Variants in WWOX observed in about 807,000 individuals in gnomAD.
WWOX encodes WW domain-containing oxidoreductase.
Under a neutral mutation model 46.2 loss-of-function variants are expected in WWOX, and 69 were observed. The ratio of observed to expected loss-of-function variants is 1.49; its 90% CI spans 1.23 to 1.82. The LOEUF (loss-of-function observed/expected upper bound fraction) is 1.82. WWOX is among the 40% of genes most tolerant of loss of function. The pLI, the probability that WWOX is intolerant of heterozygous loss-of-function variation, is 0.00. For missense variants in WWOX, 919 were observed against 542.6 expected (o/e 1.69, Z -6.89); for synonymous variants, 359 against 202.6 (o/e 1.77, Z -6.56).
At position 78,356,071 on chromosome 16, in the gene WWOX, T is replaced by TAAAAAAAAAA. The variant is rs61113878; in HGVS notation, c.517-30776_517-30767dup. 5.3e-3 allele frequency among the ~76,000 whole-genome samples: 405 copies of TAAAAAAAAAA among 76,080 alleles called. 44 individuals carry two copies. The highest frequency in any genetic ancestry group is 0.029 in the Middle Eastern group (2 of 70). 49.9% of individuals were successfully genotyped at this position (76,080 alleles called of 152,430 possible). On this transcript the variant is annotated intron_variant, in intron 5 of 8. Coordinates refer to ENST00000566780, the MANE Select transcript of WWOX (RefSeq NM_016373.4). ...TATGACCACCAAGATTTTTTTTTCC[T>TAAAAAAAAAA]AAAAAAAAAAAAAAAAAAAAAAGAA... is the stretch of plus-strand genomic sequence containing the variant.
chr16:79,034,504 CTT>C (rs925131469), intron 8 of WWOX, among the ~76,000 whole-genome samples: 1 of 152,210 alleles, frequency 6.6e-6, no homozygotes, highest in Non-Finnish European at 1.5e-5. Context: ...ATGCTACTGT[CTT>C]TAGTATTTTG....
intron 8 of WWOX, among the ~76,000 whole-genome samples, chr16:78,604,399 T>C (rs2045694961): frequency 6.6e-6 from 1 of 152,102 alleles, no homozygotes; most frequent in South Asian, 2.1e-4. Flanking sequence ...CAAATATTCA[T>C]GGAGCCCTTG....
At chr16:78,709,529 C>G (rs1006507852) in intron 8 of WWOX, among the ~76,000 whole-genome samples, 1 of 152,148 alleles carries the variant, frequency 6.6e-6, no homozygotes, top group Non-Finnish European at 1.5e-5. Flanking sequence ...CGGTGTGCCT[C>G]TTCTCTTCAT....
At chr16:78,829,130 G>GGATGGA (rs1555545783) in intron 8 of WWOX, among the ~76,000 whole-genome samples, 5 of 137,376 alleles carry the variant, frequency 3.6e-5, no homozygotes, top group South Asian at 4.6e-4. Flanking sequence ...ATGGATGGAT[G>GGATGGA]GAGAGAGAGA....
chr16:78,541,410 C>A (rs1046708440), intron 8 of WWOX, among the ~76,000 whole-genome samples: 2 of 121,600 alleles, frequency 1.6e-5, no homozygotes, highest in South Asian at 5.9e-4. Context: ...GGAGGCGGAG[C>A]TTGCAGTGAG....
chr16:79,093,446 TAG>T (rs557294590), intron 8 of WWOX, among the ~76,000 whole-genome samples: 38 of 152,350 alleles, frequency 2.5e-4, no homozygotes, highest in Non-Finnish European at 4.9e-4. Context: ...TTGATTTAGA[TAG>T]AGCTTTTATT....
At chr16:78,932,892 C>T (rs1217088626) in intron 8 of WWOX, among the ~76,000 whole-genome samples, 1 of 152,158 alleles carries the variant, frequency 6.6e-6, no homozygotes, top group Non-Finnish European at 1.5e-5. Context: ...GATTTAAGTT[C>T]CATAAAGTCA....
rs1055304146 is a variant in WWOX, at chr16:78,446,570, T to C, written c.1056+13818T>C. Among the ~76,000 whole-genome samples, 4 of 152,090 alleles carry C rather than the reference T, an allele frequency of 2.6e-5. No homozygotes were observed. In the East Asian group the frequency reaches 7.7e-4, roughly 29 times the overall value. On this transcript the variant is annotated intron_variant, in intron 8 of 8. Coordinates refer to ENST00000566780, the MANE Select transcript of WWOX (RefSeq NM_016373.4). ...ATTATTGATATTATAATTAATATTA[T>C]AATTGTTCATTATTACCTTATAAAA...
intron 7 of WWOX, among the ~76,000 whole-genome samples, chr16:78,427,048 C>A (rs1212520389): frequency 6.6e-6 from 1 of 152,178 alleles, no homozygotes; most frequent in African/African-American, 2.4e-5. Flanking sequence ...CATCCCTTGG[C>A]TCCCATGAGT....
At chr16:78,787,097 A>C (rs368346824) in intron 8 of WWOX, among the ~76,000 whole-genome samples, 29 of 152,178 alleles carry the variant, frequency 1.9e-4, no homozygotes, top group African/African-American at 6.0e-4. Context: ...GCAGTGAGCC[A>C]AGATTGCACC....
chr16:79,072,923 A>G (rs902294889), intron 8 of WWOX, among the ~76,000 whole-genome samples: 3 of 152,170 alleles, frequency 2.0e-5, no homozygotes, highest in Non-Finnish European at 4.4e-5. Flanking sequence ...CTTTCAGCTA[A>G]GTGGAAGTGT....
intron 6 of WWOX, among the ~76,000 whole-genome samples, chr16:78,417,174 G>C (rs963795976): frequency 1.3e-5 from 2 of 152,126 alleles, no homozygotes; most frequent in African/African-American, 2.4e-5. Context: ...CCAGGTTCAA[G>C]AGATCCTCCC....
intron 8 of WWOX, among the ~76,000 whole-genome samples, chr16:78,951,588 A>G (rs1049125410): frequency 6.6e-6 from 1 of 152,234 alleles, no homozygotes; most frequent in African/African-American, 2.4e-5. Context: ...GCTTCATCAC[A>G]GCAGCTATAC....
intron 8 of WWOX, among the ~76,000 whole-genome samples, chr16:78,846,726 G>T (rs929478025): frequency 1.3e-5 from 2 of 152,076 alleles, no homozygotes; most frequent in East Asian, 1.9e-4. Flanking sequence ...TATATTGGGG[G>T]AGGTACTTTG....
intron 8 of WWOX, among the ~76,000 whole-genome samples, chr16:78,541,125 G>A (rs1195833268): frequency 6.6e-6 from 1 of 152,040 alleles, no homozygotes; most frequent in Non-Finnish European, 1.5e-5. Flanking sequence ...TATTTTAAAC[G>A]TGAAAAGCAA....
chr16:79,026,102 C>T (rs2047635558), intron 8 of WWOX, among the ~76,000 whole-genome samples: 1 of 151,550 alleles, frequency 6.6e-6, no homozygotes, highest in South Asian at 2.1e-4. Flanking sequence ...TGCCCAGCCC[C>T]TGTTGCCCTT....
At chr16:78,300,374 T>C (rs1189877365) in intron 5 of WWOX, among the ~76,000 whole-genome samples, 3 of 152,140 alleles carry the variant, frequency 2.0e-5, no homozygotes, top group African/African-American at 2.4e-5. Flanking sequence ...TTCCGAAAGC[T>C]AGCGTGAAGT....
intron 8 of WWOX, among the ~76,000 whole-genome samples, chr16:79,183,548 A>G (rs1403189246): frequency 1.3e-5 from 2 of 152,172 alleles, no homozygotes; most frequent in Non-Finnish European, 2.9e-5. Flanking sequence ...CATTGTGCTA[A>G]TTTACTGTAT....
chr16:78,148,640 G>A (rs1032399754), intron 4 of WWOX, among the ~76,000 whole-genome samples: 40 of 152,078 alleles, frequency 2.6e-4, no homozygotes, highest in Admixed American at 1.2e-3. Flanking sequence ...GCTCACGCCT[G>A]TAATCCCAGC....
Sources: allele counts gnomAD v4.1 joint callset (sites outside exome capture counted in the v4.1 genomes callset), GRCh38; gene constraint gnomAD v4.1.1; transcripts MANE v1.5; gene names NCBI Gene and HGNC (gene_info 2026-07-23, HGNC 2026-07-21).